Variants in EZH1 observed in about 807,000 individuals in gnomAD.
EZH1 encodes the protein histone-lysine N-methyltransferase EZH1.
A neutral mutation model predicts 100.5 loss-of-function variants in EZH1; 33 were observed. The observed-to-expected ratio is 0.33, with a 90% CI of 0.25 to 0.44. The LOEUF (loss-of-function observed/expected upper bound fraction) is 0.44, where lower values mean the gene tolerates loss of function less well. EZH1 is among the 20% of genes least tolerant of loss of function. EZH1 has a pLI of 1.00. For missense variants in EZH1, 475 were observed against 928.4 expected (o/e 0.51, Z 6.35); for synonymous variants, 272 against 313.8 (o/e 0.87, Z 1.41).
At chr17:42,743,836 A>C (rs118144042) in intron 1 of EZH1, among the ~76,000 whole-genome samples, 152 of 152,136 alleles carry the variant, frequency 1.0e-3, no homozygotes, top group Non-Finnish European at 1.9e-3. Context: ...ATATCTGGGG[A>C]TTCCAAGACT....
chr17:42,742,467 A>G (rs2054194368), intron 1 of EZH1, among the ~76,000 whole-genome samples: 1 of 152,158 alleles, frequency 6.6e-6, no homozygotes, highest in South Asian at 2.1e-4. Context: ...AAAGGGCACT[A>G]ATGTAACCAT....
intron 1 of EZH1, among the ~76,000 whole-genome samples, chr17:42,731,617 C>T (rs114020146): frequency 6.6e-6 from 1 of 152,050 alleles, no homozygotes; most frequent in African/African-American, 2.4e-5. Context: ...AAAAACATTA[C>T]AAGGAGCTAG....
At chr17:42,713,495 T>A in intron 10 of EZH1, 106 bp from the exon 11 acceptor site, 1 of 1,063,528 alleles carries the variant, frequency 9.4e-7, no homozygotes, top group Non-Finnish European at 1.3e-6. Flanking sequence ...AATAATAGTG[T>A]CTTTTCTTTT....
At chr17:42,724,515 T>A in intron 4 of EZH1, 91 bp from the exon 5 acceptor site, 1 of 1,493,764 alleles carries the variant, frequency 6.7e-7, no homozygotes. Context: ...CTGGGCATAG[T>A]GGCTCATGCC....
At chr17:42,727,532 C>T in intron 4 of EZH1, 103 bp downstream of exon 4, 1 of 1,385,136 alleles carries the variant, frequency 7.2e-7, no homozygotes, top group Non-Finnish European at 9.8e-7. Flanking sequence ...TGTGAGCCAC[C>T]ATACCTTGTC....
Position 42,742,980 on chromosome 17 carries a change from G to A in EZH1, c.-103+2031C>T, listed in dbSNP as rs548353252. On this transcript the variant is annotated intron_variant, in intron 1 of 20. Transcript: ENST00000428826. ...CACCTCCCAGGTTCAAGCGATTCTC[G>A]TGCCTCAACCCCCTGAATAGCTGGG... is the stretch of plus-strand genomic sequence containing the variant. 4.7e-5 allele frequency among the ~76,000 whole-genome samples: 7 copies of A among 148,796 alleles called. No individual in the cohort carries two copies. The South Asian group carries it at 1.1e-3, about 23-fold the overall frequency.
At chr17:42,713,662 G>T (rs2053535235) in intron 10 of EZH1, among the ~76,000 whole-genome samples, 1 of 152,064 alleles carries the variant, frequency 6.6e-6, no homozygotes, top group African/African-American at 2.4e-5. Flanking sequence ...GAGTGCAGAG[G>T]CCTGCTCACT....
chr17:42,733,628 G>A (rs184269144), intron 1 of EZH1, among the ~76,000 whole-genome samples: 9 of 134,898 alleles, frequency 6.7e-5, no homozygotes, highest in African/African-American at 2.3e-4. Context: ...GCGACAGAGC[G>A]AGACTCCATC....
intron 2 of EZH1, 41 bp from the exon 3 acceptor site, chr17:42,728,993 G>T: frequency 2.8e-6 from 4 of 1,448,834 alleles, no homozygotes; most frequent in Middle Eastern, 1.8e-4. Flanking sequence ...TTATTGCCTG[G>T]AAATAAAGCA....
chr17:42,730,042 C>G (rs1320716939), intron 2 of EZH1, among the ~76,000 whole-genome samples: 1 of 151,352 alleles, frequency 6.6e-6, no homozygotes, highest in Non-Finnish European at 1.5e-5. Context: ...CGTCTCAAAA[C>G]AAAAACAAAA....
chr17:42,708,395 C>T (rs527284194), intron 14 of EZH1, among the ~76,000 whole-genome samples: 18 of 152,284 alleles, frequency 1.2e-4, no homozygotes, highest in African/African-American at 4.3e-4. Context: ...TGGCTCACGC[C>T]TGTAATCCCA....
intron 2 of EZH1, among the ~76,000 whole-genome samples, chr17:42,730,349 C>T (rs1169828304): frequency 1.3e-5 from 2 of 152,106 alleles, no homozygotes; most frequent in Non-Finnish European, 2.9e-5. Flanking sequence ...TACCACATGC[C>T]TAGTAATAAA....
chr17:42,706,874 T>C lies in EZH1; in HGVS notation c.1661-689A>G, dbSNP rs989840070. ...CATTTTGAGAACAGAATGCATCCGT[T>C]CTATGCCATCCTTCTCCACCCACTG... On this transcript the variant is annotated intron_variant, in intron 15 of 20. Coordinates refer to ENST00000428826, the MANE Select transcript of EZH1 (RefSeq NM_001991.5). The surrounding 1 kb of genome is among the most constrained non-coding windows in gnomAD (Gnocchi z 4.4). Among the ~76,000 whole-genome samples the C allele has an allele frequency of 1.3e-5, 2 of 152,116 alleles. No homozygotes were observed. Among genetic ancestry groups the C allele is most frequent in the African/African-American group, 4.8e-5 (2 of 41,428 alleles).
intron 3 of EZH1, among the ~76,000 whole-genome samples, chr17:42,728,034 T>A (rs2053858199): frequency 6.6e-6 from 1 of 150,722 alleles, no homozygotes; most frequent in African/African-American, 2.4e-5. Flanking sequence ...CCAGGCTGGT[T>A]TGAAACTCCT....
chr17:42,730,106 T>C (rs1313973454), intron 2 of EZH1, among the ~76,000 whole-genome samples: 1 of 152,174 alleles, frequency 6.6e-6, no homozygotes, highest in East Asian at 1.9e-4. Context: ...ATCAGCAATT[T>C]GTGGTCCAAT....
At chr17:42,712,824 G>A (rs1312083836) in intron 11 of EZH1, among the ~76,000 whole-genome samples, 1 of 152,082 alleles carries the variant, frequency 6.6e-6, no homozygotes, top group African/African-American at 2.4e-5. Flanking sequence ...GATCACCTGA[G>A]GTCAGAAGTT....
rs1462500954 is a variant in EZH1, at chr17:42,717,940, T to C, written c.1023+36A>G. The C allele has an allele frequency of 1.3e-5, 20 of 1,592,892 alleles. 1 individual carries two copies. The highest frequency in any genetic ancestry group is 1.7e-5 in the Non-Finnish European group (20 of 1,160,790). On this transcript the variant is annotated intron_variant, in intron 10 of 20. Coordinates refer to ENST00000428826, the MANE Select transcript of EZH1 (RefSeq NM_001991.5). ...GCTCACGTGGCTTGTGTTCCCAGAA[T>C]GAAGTTAATAATGCCAGAACAGCTT...
intron 19 of EZH1, chr17:42,703,335 C>T (rs1325167739): frequency 6.8e-6 from 2 of 292,202 alleles, no homozygotes; most frequent in Non-Finnish European, 1.3e-5. Context: ...CCACCACGCC[C>T]CCCAGCTGAT....
chr17:42,738,933 T>C (rs2054122886), intron 1 of EZH1, among the ~76,000 whole-genome samples: 1 of 151,654 alleles, frequency 6.6e-6, no homozygotes, highest in South Asian at 2.1e-4. Flanking sequence ...AATTTCTGTA[T>C]TTTTAGTAGA....
Sources: gnomAD v4.1 joint callset for allele counts (sites outside exome capture counted in the v4.1 genomes callset) on GRCh38, gnomAD v4.1.1 for gene constraint, Gnocchi (gnomAD v3.1) non-coding constraint, MANE v1.5 for transcripts, NCBI Gene and HGNC (gene_info 2026-07-23, HGNC 2026-07-21) for gene names.